C12orf50: variants seen among roughly 807,000 people sequenced by gnomAD.
C12orf50 encodes the protein uncharacterized protein C12orf50.
C12orf50 carries 35 observed loss-of-function variants against 61.6 expected under a neutral mutation model. The ratio of observed to expected loss-of-function variants is 0.57; its 90% CI spans 0.43 to 0.75. The LOEUF (loss-of-function observed/expected upper bound fraction) is 0.75. C12orf50 is among the 30% of genes least tolerant of loss of function. The probability of loss-of-function intolerance (pLI) is 0.00; values close to 1 mark genes in which losing one functional copy is unlikely to be tolerated. For synonymous variants in C12orf50, 178 were observed against 161.5 expected, an observed-to-expected ratio of 1.10 and a Z score of -0.77; for missense variants, 475 against 488.5, an observed-to-expected ratio of 0.97 and a Z score of 0.26.
chr12:88,027,195 A>T, intron 1 of C12orf50, 125 bp from the exon 2 acceptor site: 1 of 1,019,710 alleles, frequency 9.8e-7, no homozygotes, highest in East Asian at 2.9e-5. Context: ...GATATACACT[A>T]TCAATTTTAG....
At chr12:87,991,548 A>G (rs2031121808) in intron 7 of C12orf50, among the ~76,000 whole-genome samples, 1 of 152,186 alleles carries the variant, frequency 6.6e-6, no homozygotes, top group South Asian at 2.1e-4. Context: ...TATCTAGAGA[A>G]GTCAATAAGA....
intron 3 of C12orf50, among the ~76,000 whole-genome samples, chr12:88,013,674 C>A (rs1240770463): frequency 6.6e-6 from 1 of 152,122 alleles, no homozygotes; most frequent in African/African-American, 2.4e-5. Flanking sequence ...GTAAATGTGA[C>A]AAAATGTTAA....
Position 87,987,733 on chromosome 12 carries a change from G to A in C12orf50, c.817+117C>T, listed in dbSNP as rs192969820. 6.1e-3 allele frequency: 4,306 copies of A among 705,448 alleles called. 30 individuals are homozygous for A. The highest frequency in any genetic ancestry group is 7.6e-3 in the Non-Finnish European group (3,165 of 417,848). The allele number at this position is 705,448 out of a possible 1,614,324, so 43.7% of individuals were successfully genotyped here. A position where few individuals can be genotyped will look rare whatever the true frequency, so the allele number is the denominator to read the frequency against. On this transcript the variant is annotated intron_variant, in intron 9 of 12. Transcript: ENST00000298699. ...TATTGTGTCTTTAATTCTTAGTTCT[G>A]AATAATTTTTAAACCTTTTTTCTTT...
chr12:88,026,832 C>T lies in C12orf50; in HGVS notation c.12+119G>A, dbSNP rs916291233. ...ATTAAGTTGAAAAAATTGCAAAATG[C>T]CTAAAATCAAATAGTAGAAGGAAGA... On this transcript the variant is annotated intron_variant, in intron 2 of 12. Transcript: ENST00000298699. 1.1e-5 allele frequency: 16 copies of T among 1,462,798 alleles called. No individual in the cohort carries two copies. The South Asian group carries it at 2.1e-4, about 19-fold the overall frequency. The allele number at this position is 1,462,798 out of a possible 1,614,324, so 90.6% of individuals were successfully genotyped here.
chr12:87,987,919 C>T lies in C12orf50; in HGVS notation c.748G>A (p.Val250Ile), dbSNP rs2030913389. Reference protein sequence around the residue: ...HPKHSLTTRLVPTTHVLNATE... With the variant: ...HPKHSLTTRLIPTTHVLNATE... Reference sequence around the variant, plus strand: ...GCATTTAATACATGCGTTGTAGGTACTAGTCGGGTAGTTAGGGAATGCTTT... The same window carrying T: ...GCATTTAATACATGCGTTGTAGGTATTAGTCGGGTAGTTAGGGAATGCTTT... The change falls in exon 9 of 13, where the codon GTA becomes ATA. Residue 250 changes from valine (V) to isoleucine (I), a missense_variant. By Grantham distance (29) the Val-to-Ile change is conservative. Coordinates refer to ENST00000298699, the MANE Select transcript of C12orf50 (RefSeq NM_152589.3). 1 of 1,611,862 alleles carries T rather than the reference C, an allele frequency of 6.2e-7. No individual in the cohort carries two copies. The highest frequency in any genetic ancestry group is 8.5e-7 in the Non-Finnish European group (1 of 1,178,638).
At chr12:88,011,384 ACTT>A (rs2032104250) in intron 3 of C12orf50, among the ~76,000 whole-genome samples, 1 of 152,130 alleles carries the variant, frequency 6.6e-6, no homozygotes, top group South Asian at 2.1e-4. Context: ...AGAAGGACTT[ACTT>A]CTTCTGAGAT....
At chr12:87,982,024 T>C (rs1453097272) in intron 12 of C12orf50, among the ~76,000 whole-genome samples, 1 of 152,056 alleles carries the variant, frequency 6.6e-6, no homozygotes, top group African/African-American at 2.4e-5. Flanking sequence ...CATATTTAAC[T>C]ATCTGGTATG....
chr12:87,996,700 A>C, intron 4 of C12orf50, 54 bp from the exon 5 acceptor site: 1 of 1,371,962 alleles, frequency 7.3e-7, no homozygotes, highest in Non-Finnish European at 1.0e-6. Flanking sequence ...TTAATCTGAA[A>C]ATTTATAAAC....
At chr12:88,019,996 A>G (rs535154616) in intron 3 of C12orf50, among the ~76,000 whole-genome samples, 5 of 152,322 alleles carry the variant, frequency 3.3e-5, no homozygotes, top group African/African-American at 1.2e-4. Flanking sequence ...GTGCTGAGGG[A>G]ATTTTTTACC....
At chr12:88,000,316 T>C (rs2031601852) in intron 3 of C12orf50, among the ~76,000 whole-genome samples, 1 of 152,130 alleles carries the variant, frequency 6.6e-6, no homozygotes, top group African/African-American at 2.4e-5. Flanking sequence ...TATATGCCCT[T>C]GTTGAAAATC....
chr12:88,023,666 C>CA (rs61438235), intron 3 of C12orf50, among the ~76,000 whole-genome samples: 332 of 85,794 alleles, frequency 3.9e-3, no homozygotes, highest in Middle Eastern at 0.019. Context: ...GACTCCATCT[C>CA]AAAAAAAAAA....
Position 88,027,057 on chromosome 12 carries a change from C to T in C12orf50, c.-95G>A, listed in dbSNP as rs770091151. 17 of 1,610,844 alleles carry T rather than the reference C, an allele frequency of 1.1e-5. No individual in the cohort carries two copies. Among genetic ancestry groups the T allele is most frequent in the African/African-American group, 2.7e-5 (2 of 74,860 alleles). Reference sequence around the variant, plus strand: ...AAGGGCCTCTTCACAGTGTCGGAATCGGCACTGGGAACCCTAAAAGAAAAA... The same window carrying T: ...AAGGGCCTCTTCACAGTGTCGGAATTGGCACTGGGAACCCTAAAAGAAAAA... On this transcript the variant is annotated 5_prime_UTR_variant, in exon 2 of 13. Transcript: ENST00000298699.
Position 87,987,860 on chromosome 12 carries a change from G to A in C12orf50, c.807C>T (p.Asp269=), listed in dbSNP as rs762561237. 2.1e-5 allele frequency: 33 copies of A among 1,594,732 alleles called. No individual in the cohort carries two copies. Among genetic ancestry groups the A allele is most frequent in the Non-Finnish European group, 2.8e-5 (33 of 1,164,684 alleles). The part of the protein sequence containing the change: ...TENISMKCRE[D]PSSMNDVQPV... The stretch of plus-strand genomic sequence containing the variant: ...GAGCTAATGTCTCACTTGAAGAGGG[G>A]TCCTCTCTGCACTTCATACTGATAT... Residue 269 remains aspartate, a synonymous_variant, in exon 9 of 13, where the codon GAC becomes GAT. Coordinates refer to ENST00000298699, the MANE Select transcript of C12orf50 (RefSeq NM_152589.3).
intron 11 of C12orf50, chr12:87,983,406 T>A: frequency 3.2e-6 from 1 of 310,360 alleles, no homozygotes. Context: ...TTTATTATTA[T>A]TATACTTTAA....
chr12:88,015,981 C>G (rs964940563), intron 3 of C12orf50, among the ~76,000 whole-genome samples: 1 of 152,024 alleles, frequency 6.6e-6, no homozygotes, highest in African/African-American at 2.4e-5. Context: ...TTAAAGATAA[C>G]AACATACAAT....
Position 88,026,965 on chromosome 12 carries a change from G to A in C12orf50, c.-3C>T. The A allele has an allele frequency of 3.1e-6, 5 of 1,613,450 alleles. No individual in the cohort carries two copies. Among genetic ancestry groups the A allele is most frequent in the Non-Finnish European group, 4.2e-6 (5 of 1,179,862 alleles). On this transcript the variant is annotated 5_prime_UTR_variant, in exon 2 of 13. Coordinates refer to ENST00000298699, the MANE Select transcript of C12orf50 (RefSeq NM_152589.3). Reference sequence around the variant, plus strand: ...AGTAATTCTACCTGCATTTCCATGTGTCTAAATCTGCAAAGTGGATCTAAA... The same window carrying A: ...AGTAATTCTACCTGCATTTCCATGTATCTAAATCTGCAAAGTGGATCTAAA...
chr12:88,025,240 G>C (rs1313837739), intron 3 of C12orf50, among the ~76,000 whole-genome samples: 1 of 152,188 alleles, frequency 6.6e-6, no homozygotes, highest in Non-Finnish European at 1.5e-5. Context: ...TAGTTACCAA[G>C]TGGAAGGATA....
intron 7 of C12orf50, among the ~76,000 whole-genome samples, chr12:87,992,935 T>A (rs1446747586): frequency 6.6e-6 from 1 of 152,148 alleles, no homozygotes; most frequent in Non-Finnish European, 1.5e-5. Context: ...TTCAAAGATG[T>A]CTTATGAATG....
Position 87,985,858 on chromosome 12 carries a change from A to G in C12orf50, c.1118T>C (p.Leu373Pro), listed in dbSNP as rs1565738779. ...TCAACAAAGGACCTCACCTGGACTG[A>G]GGTTGGGTTTGGGTTCCCTGTTAGC... ...VHANREPKPN[L>P]SPDKYTSTSY... The change falls in exon 11 of 13, where the codon CTC becomes CCC. Residue 373 changes from leucine (L) to proline (P), a missense_variant. Transcript: ENST00000298699. 1 of 1,612,606 alleles carries G rather than the reference A, an allele frequency of 6.2e-7. No homozygotes were observed. Among genetic ancestry groups the G allele is most frequent in the Non-Finnish European group, 8.5e-7 (1 of 1,179,768 alleles).
Sources: gnomAD v4.1 joint callset for allele counts (sites outside exome capture counted in the v4.1 genomes callset) on GRCh38, gnomAD v4.1.1 for gene constraint, MANE v1.5 for transcripts, NCBI Gene and HGNC (gene_info 2026-07-23, HGNC 2026-07-21) for gene names.